The following MED24 variants were observed in gnomAD, a reference collection of about 807,000 sequenced individuals.
MED24 encodes the protein mediator complex subunit 24.
A neutral mutation model predicts 118.8 loss-of-function variants in MED24; 74 were observed. The ratio of observed to expected loss-of-function variants is 0.62; its 90% CI spans 0.52 to 0.76. The LOEUF (loss-of-function observed/expected upper bound fraction) is 0.76. MED24 is among the 30% of genes least tolerant of loss of function. The pLI is 0.00. For missense variants in MED24, 1,041 were observed against 1,278.9 expected (o/e 0.81, Z 2.84); for synonymous variants, 521 against 523.9 (o/e 0.99, Z 0.08).
chr17:40,032,245 C>A, intron 9 of MED24, 155 bp from the exon 10 acceptor site: 1 of 838,790 alleles, frequency 1.2e-6, no homozygotes, highest in Non-Finnish European at 1.9e-6. Context: ...ATGAGAAAGC[C>A]AATAGGTGCC....
intron 24 of MED24, 101 bp downstream of exon 24, chr17:40,020,172 A>C (rs909722454): frequency 8.2e-7 from 1 of 1,214,046 alleles, no homozygotes; most frequent in East Asian, 2.6e-5. Context: ...AGGGAGGGGC[A>C]CCGCAAGGCC....
chr17:40,031,900 A>G, intron 10 of MED24, 143 bp downstream of exon 10: 1 of 984,002 alleles, frequency 1.0e-6, no homozygotes, highest in South Asian at 1.5e-5. Flanking sequence ...AAGCATGCAC[A>G]TTGTGAAGCA....
At chr17:40,048,473 T>C (rs1034514231) in intron 3 of MED24, among the ~76,000 whole-genome samples, 1 of 152,212 alleles carries the variant, frequency 6.6e-6, no homozygotes, top group Non-Finnish European at 1.5e-5. Flanking sequence ...ATTGTCCAAA[T>C]TACCAATTCA....
chr17:40,029,364 A>C (rs1201467476), intron 13 of MED24, among the ~76,000 whole-genome samples: 1 of 152,024 alleles, frequency 6.6e-6, no homozygotes, highest in African/African-American at 2.4e-5. Context: ...ACACCCAGTG[A>C]ATTTTGTGTT....
chr17:40,023,696 T>G, intron 19 of MED24: 1 of 312,002 alleles, frequency 3.2e-6, no homozygotes, highest in Non-Finnish European at 5.9e-6. Context: ...ACTTCCCCCA[T>G]CCCCCAGGCC....
At chr17:40,028,615 A>G (rs759961483) in intron 14 of MED24, among the ~76,000 whole-genome samples, 1 of 152,102 alleles carries the variant, frequency 6.6e-6, no homozygotes, top group Admixed American at 6.6e-5. Context: ...TCTTTACCAA[A>G]CATGTCCACT....
At chr17:40,035,452 G>A in intron 5 of MED24, 103 bp from the exon 6 acceptor site, 2 of 1,249,954 alleles carry the variant, frequency 1.6e-6, no homozygotes, top group Non-Finnish European at 2.2e-6. Flanking sequence ...CTAGGGACTA[G>A]GGCTGAGAAG....
chr17:40,022,706 G>A lies in MED24; in HGVS notation c.2371C>T (p.Leu791=), dbSNP rs1033413201. The part of the protein sequence containing the change: ...LVLLGHILPG[L]LTDSSKWHSL... ...TGCCACTTGGAGGAGTCAGTGAGCA[G>A]GCCAGGTAGGATGTGGCCCAGCAGG... The change falls in exon 21 of 26, where the codon CTG becomes TTG. Residue 791 remains leucine (L), a synonymous_variant. Coordinates refer to ENST00000394128, the MANE Select transcript of MED24 (RefSeq NM_014815.4). The A allele has an allele frequency of 6.2e-7, 1 of 1,613,832 alleles. No homozygotes were observed. Among genetic ancestry groups the A allele is most frequent in the Non-Finnish European group, 8.5e-7 (1 of 1,179,996 alleles).
At chr17:40,052,601 T>C (rs1985973959) in intron 3 of MED24, among the ~76,000 whole-genome samples, 3 of 152,090 alleles carry the variant, frequency 2.0e-5, no homozygotes, top group Admixed American at 1.3e-4. Context: ...TTTTTTCTTT[T>C]GCTTGTTGTT....
intron 3 of MED24, among the ~76,000 whole-genome samples, chr17:40,047,409 C>T (rs1331669686): frequency 2.6e-5 from 4 of 152,042 alleles, no homozygotes; most frequent in Non-Finnish European, 5.9e-5. Context: ...TGCCTGTAAT[C>T]CCAGCACTTT....
In MED24 at chr17:40,022,528, C is replaced by T; in HGVS notation, c.2433-44G>A. 3 of 1,594,516 alleles carry T rather than the reference C, an allele frequency of 1.9e-6. No homozygotes were observed. In the South Asian group the frequency reaches 3.4e-5, roughly 18 times the overall value. On this transcript the variant is annotated intron_variant, in intron 21 of 25. Coordinates refer to ENST00000394128, the MANE Select transcript of MED24 (RefSeq NM_014815.4). The stretch of plus-strand genomic sequence containing the variant: ...AAAAGGGGGACAGTGAGAGGTGCCC[C>T]AGGAGCTTTCTGTGTCTGACTGGGC...
chr17:40,020,410 G>A (rs1981827272), intron 23 of MED24, 57 bp from the exon 24 acceptor site: 5 of 1,554,954 alleles, frequency 3.2e-6, no homozygotes, highest in Non-Finnish European at 4.4e-6. Flanking sequence ...CAAAAGTGGT[G>A]CTCCCCGGGG....
At chr17:40,027,184 G>C in intron 16 of MED24, 150 bp from the exon 17 acceptor site, 1 of 1,134,456 alleles carries the variant, frequency 8.8e-7, no homozygotes, top group Non-Finnish European at 1.3e-6. Context: ...CCAGACGGGG[G>C]CAATGCTGCC....
At chr17:40,027,252 T>G (rs1598340197) in intron 16 of MED24, 131 bp downstream of exon 16, 1 of 1,169,336 alleles carries the variant, frequency 8.6e-7, no homozygotes, top group Non-Finnish European at 1.2e-6. Context: ...CCAGCCCGGG[T>G]GGGCACCTGG....
At chr17:40,022,949 C>A in intron 20 of MED24, 123 bp from the exon 21 acceptor site, 1 of 1,353,526 alleles carries the variant, frequency 7.4e-7, no homozygotes, top group African/African-American at 1.5e-5. Context: ...TGTTGCTCCG[C>A]CCCTCAGGCT....
intron 3 of MED24, among the ~76,000 whole-genome samples, chr17:40,050,448 A>G (rs1834242593): frequency 6.6e-6 from 1 of 151,728 alleles, no homozygotes; most frequent in Non-Finnish European, 1.5e-5. Flanking sequence ...CCTTGTCTCA[A>G]AAAAAAATAT....
In MED24 at chr17:40,020,325, T is replaced by C. The variant is rs1015447393; in HGVS notation, c.2652A>G (p.Ser884=). Residue 884 remains serine, a synonymous_variant, in exon 24 of 26, where the codon TCA becomes TCG. Transcript: ENST00000394128. ...PTDRSMSSSL[S]ASQLHTVNMR... ...TGTTGACCGTGTGGAGCTGAGAGGCTGAGAGGGAGCTGCTCATGGATCGGT... is the reference window on the plus strand; with the variant it reads ...TGTTGACCGTGTGGAGCTGAGAGGCCGAGAGGGAGCTGCTCATGGATCGGT... The C allele has an allele frequency of 6.3e-7, 1 of 1,597,560 alleles. No individual in the cohort carries two copies. Among genetic ancestry groups the C allele is most frequent in the East Asian group, 2.2e-5 (1 of 44,500 alleles).
intron 3 of MED24, among the ~76,000 whole-genome samples, chr17:40,039,675 C>T (rs1313007099): frequency 1.3e-5 from 2 of 152,092 alleles, no homozygotes; most frequent in Non-Finnish European, 2.9e-5. Context: ...GACAGGGTCT[C>T]GCTCTGTCAC....
chr17:40,025,721 G>A (rs1209873510), intron 19 of MED24, among the ~76,000 whole-genome samples: 16 of 152,200 alleles, frequency 1.1e-4, no homozygotes, highest in Admixed American at 1.0e-3. Flanking sequence ...TTGGTTGGGT[G>A]AATGAACTCA....
Sources: allele counts gnomAD v4.1 joint callset (sites outside exome capture counted in the v4.1 genomes callset), GRCh38; gene constraint gnomAD v4.1.1; transcripts MANE v1.5; gene names NCBI Gene and HGNC (gene_info 2026-07-23, HGNC 2026-07-21).